The following SLC30A4 variants were observed in gnomAD, a reference collection of about 807,000 sequenced individuals.
The protein encoded by SLC30A4 is probable proton-coupled zinc antiporter SLC30A4.
A neutral mutation model predicts 41.7 loss-of-function variants in SLC30A4; 20 were observed. The observed-to-expected ratio is 0.48, with a 90% CI of 0.34 to 0.70. The LOEUF (loss-of-function observed/expected upper bound fraction) is 0.70, where lower values mean the gene tolerates loss of function less well. SLC30A4 is among the 30% of genes least tolerant of loss of function. The pLI, the probability that SLC30A4 is intolerant of heterozygous loss-of-function variation, is 0.01. For synonymous variants in SLC30A4, 181 were observed against 195.9 expected (o/e 0.92, Z 0.64); for missense variants, 441 against 529.3 (o/e 0.83, Z 1.64).
At chr15:45,486,960 C>T (rs1031590031) in intron 6 of SLC30A4, among the ~76,000 whole-genome samples, 13 of 150,610 alleles carry the variant, frequency 8.6e-5, no homozygotes, top group African/African-American at 3.2e-4. Flanking sequence ...ACTTTAAAAA[C>T]ATATTCATTC....
At chr15:45,514,919 G>A (rs1892420452) in intron 2 of SLC30A4, among the ~76,000 whole-genome samples, 1 of 151,990 alleles carries the variant, frequency 6.6e-6, no homozygotes, top group African/African-American at 2.4e-5. Flanking sequence ...TTGCTCTGTT[G>A]TCCAGGCTGC....
chr15:45,483,033 C>T lies in SLC30A4; in HGVS notation c.*2130G>A, dbSNP rs1358619244. On this transcript the variant is annotated 3_prime_UTR_variant, in exon 8 of 8. Transcript: ENST00000261867. The stretch of plus-strand genomic sequence containing the variant: ...TCTTGGCCTCGAGGGATACTTCCAC[C>T]TTTGCCTCCCCAAATGCTGAGATTA... 6.6e-6 allele frequency: 1 copy of T among 152,138 alleles called. No individual in the cohort carries two copies. The highest frequency in any genetic ancestry group is 2.4e-5 in the African/African-American group (1 of 41,442). 9.4% of individuals were successfully genotyped at this position (152,138 alleles called of 1,614,324 possible).
chr15:45,487,486 G>C, intron 6 of SLC30A4, 41 bp downstream of exon 6: 1 of 988,830 alleles, frequency 1.0e-6, no homozygotes, highest in South Asian at 1.3e-5. Flanking sequence ...TCTGCTTTAG[G>C]GAAGTAATAA....
intron 2 of SLC30A4, among the ~76,000 whole-genome samples, chr15:45,521,547 A>AG (rs926409705): frequency 1.5e-4 from 23 of 152,194 alleles, no homozygotes; most frequent in Middle Eastern, 3.4e-3. Context: ...TGTAAAAAAA[A>AG]AAAGGAGGTG....
intron 2 of SLC30A4, among the ~76,000 whole-genome samples, chr15:45,520,331 G>A (rs571897269): frequency 1.3e-5 from 2 of 151,812 alleles, no homozygotes; most frequent in African/African-American, 2.4e-5. Context: ...GTGCAGTGGC[G>A]CAATCTCGGC....
chr15:45,493,586 G>C (rs1891850985), intron 3 of SLC30A4, among the ~76,000 whole-genome samples: 1 of 152,132 alleles, frequency 6.6e-6, no homozygotes, highest in Non-Finnish European at 1.5e-5. Flanking sequence ...CCAGCACTTT[G>C]GGAGGCCGAG....
At chr15:45,489,145 T>C (rs1891762129) in intron 4 of SLC30A4, 103 bp from the exon 5 acceptor site, 3 of 837,858 alleles carry the variant, frequency 3.6e-6, no homozygotes, top group Non-Finnish European at 5.6e-6. Context: ...ATTTATTTAA[T>C]AAATTTGGAG....
chr15:45,508,429 T>C (rs552269071), intron 3 of SLC30A4, among the ~76,000 whole-genome samples: 225 of 152,286 alleles, frequency 1.5e-3, no homozygotes, highest in African/African-American at 5.3e-3. Context: ...CTTATTCAAT[T>C]AATCTTCCGT....
At chr15:45,500,147 C>T (rs896374776) in intron 3 of SLC30A4, among the ~76,000 whole-genome samples, 1 of 151,976 alleles carries the variant, frequency 6.6e-6, no homozygotes, top group African/African-American at 2.4e-5. Context: ...GAACGGTAGG[C>T]CATTTTGGAG....
At chr15:45,504,820 G>C (rs1892114073) in intron 3 of SLC30A4, among the ~76,000 whole-genome samples, 1 of 152,146 alleles carries the variant, frequency 6.6e-6, no homozygotes, top group Non-Finnish European at 1.5e-5. Flanking sequence ...CTTGCCCAAG[G>C]TCAAACTGGT....
At chr15:45,506,393 A>C (rs1340751848) in intron 3 of SLC30A4, among the ~76,000 whole-genome samples, 2 of 152,180 alleles carry the variant, frequency 1.3e-5, no homozygotes, top group Non-Finnish European at 2.9e-5. Context: ...TCCCTCTGTG[A>C]AGTTTTCAGG....
intron 3 of SLC30A4, among the ~76,000 whole-genome samples, chr15:45,494,018 A>C (rs1891860844): frequency 6.6e-6 from 1 of 152,196 alleles, no homozygotes. Flanking sequence ...GAAAAGACCA[A>C]ATGAAATATA....
chr15:45,500,827 C>T (rs916711643), intron 3 of SLC30A4, among the ~76,000 whole-genome samples: 26 of 151,850 alleles, frequency 1.7e-4, no homozygotes, highest in Non-Finnish European at 2.8e-4. Flanking sequence ...GGATTATAGG[C>T]GGCCGCCAAC....
intron 2 of SLC30A4, among the ~76,000 whole-genome samples, chr15:45,512,192 T>A (rs868442008): frequency 6.6e-6 from 1 of 152,194 alleles, no homozygotes; most frequent in Non-Finnish European, 1.5e-5. Context: ...TATTGTCCCA[T>A]AATGGACAAC....
Position 45,512,846 on chromosome 15 carries a change from G to T in SLC30A4, c.392-1562C>A, listed in dbSNP as rs75242680. 4.6e-3 allele frequency among the ~76,000 whole-genome samples: 705 copies of T among 152,260 alleles called. 6 individuals are homozygous for T. The highest frequency in any genetic ancestry group is 0.016 in the African/African-American group (684 of 41,542). On this transcript the variant is annotated intron_variant, in intron 2 of 7. Transcript: ENST00000261867. ...CAGCATTTAAAAAATGGCTAGTAAG[G>T]TTGGGGCACAGTGGCTTATGCCTGT...
At chr15:45,510,209 T>A (rs958278834) in intron 3 of SLC30A4, among the ~76,000 whole-genome samples, 6 of 146,346 alleles carry the variant, frequency 4.1e-5, no homozygotes, top group Admixed American at 2.0e-4. Flanking sequence ...AACAAAAAGT[T>A]TACTGCACTC....
chr15:45,507,118 C>T (rs887488144), intron 3 of SLC30A4, among the ~76,000 whole-genome samples: 4 of 151,924 alleles, frequency 2.6e-5, no homozygotes, highest in African/African-American at 9.7e-5. Flanking sequence ...ACGGGAGATC[C>T]AGATCATCCT....
chr15:45,500,776 A>G (rs1232894120), intron 3 of SLC30A4, among the ~76,000 whole-genome samples: 1 of 151,712 alleles, frequency 6.6e-6, no homozygotes, highest in Non-Finnish European at 1.5e-5. Context: ...TCTGCCTCTC[A>G]GGTTCAAGTG....
chr15:45,485,042 A>G lies in SLC30A4; in HGVS notation c.*121T>C. 2 of 718,154 alleles carry G rather than the reference A, an allele frequency of 2.8e-6. No individual in the cohort carries two copies. The highest frequency in any genetic ancestry group is 2.3e-6 in the Non-Finnish European group (1 of 437,188). The allele number at this position is 718,154 out of a possible 1,614,324, so 44.5% of individuals were successfully genotyped here. On this transcript the variant is annotated 3_prime_UTR_variant, in exon 8 of 8. Transcript: ENST00000261867. ...TCAGGCTGGGGCAACTGTTTGAGAG[A>G]CTGATGCTTGATACGGACACAGCTG...
Sources: allele counts gnomAD v4.1 joint callset (sites outside exome capture counted in the v4.1 genomes callset), GRCh38; gene constraint gnomAD v4.1.1; transcripts MANE v1.5; gene names NCBI Gene and HGNC (gene_info 2026-07-23, HGNC 2026-07-21).